Variants in SUN2 observed in about 807,000 individuals in gnomAD.
SUN2 encodes SUN domain-containing protein 2.
SUN2 carries 60 observed loss-of-function variants against 100.0 expected under a neutral mutation model. That is an observed-to-expected ratio of 0.60 (90% CI 0.49 to 0.74). The LOEUF (loss-of-function observed/expected upper bound fraction) is 0.74. Among genes scored for constraint, SUN2 ranks in the 30% least tolerant of loss-of-function variants. The probability of loss-of-function intolerance (pLI) is 0.00; values close to 1 mark genes in which losing one functional copy is unlikely to be tolerated. For synonymous variants in SUN2, 367 were observed against 403.3 expected (o/e 0.91, Z 1.08); for missense variants, 834 against 954.6 (o/e 0.87, Z 1.66).
chr22:38,748,925 G>A (rs2092923879), intron 6 of SUN2, 142 bp from the exon 7 acceptor site: 1 of 811,930 alleles, frequency 1.2e-6, no homozygotes, highest in South Asian at 1.6e-5. Context: ...GCTTCTCACT[G>A]TGCCAGGGCC....
rs550432318 is a variant in SUN2, at chr22:38,737,954, G to C, written c.2040+219C>G. The C allele has an allele frequency of 2.9e-6, 2 of 697,774 alleles. No individual in the cohort carries two copies. Among genetic ancestry groups the C allele is most frequent in the South Asian group, 3.0e-5 (2 of 66,604 alleles). 43.2% of individuals were successfully genotyped at this position (697,774 alleles called of 1,614,324 possible). On this transcript the variant is annotated intron_variant, in intron 17 of 17. Coordinates refer to ENST00000689035, the MANE Select transcript of SUN2 (RefSeq NM_015374.3). The surrounding 1 kb of genome is among the most constrained non-coding windows in gnomAD (Gnocchi z 4.1). Reference sequence around the variant, plus strand: ...ACCTCCTGGTGTCCTTTTCCAGGAAGCTTCCCTCATGCTGCCCTTCTGGAA... The same window carrying C: ...ACCTCCTGGTGTCCTTTTCCAGGAACCTTCCCTCATGCTGCCCTTCTGGAA...
intron 8 of SUN2, among the ~76,000 whole-genome samples, chr22:38,744,261 C>G (rs1301313803): frequency 1.6e-5 from 1 of 60,710 alleles, no homozygotes; most frequent in Non-Finnish European, 3.2e-5. Flanking sequence ...GACTCTGTCT[C>G]AAAAAAAAAA....
rs1379127104 is a variant in SUN2 at position 38,739,454 on chromosome 22, G to A, written c.1579-28C>T. The stretch of plus-strand genomic sequence containing the variant: ...GCAATGCAGGCACCAGGAGACGGTT[G>A]CAGCAGGGAGCAGACGTGTCCCCCT... On this transcript the variant is annotated intron_variant, in intron 13 of 17. Transcript: ENST00000689035. The surrounding 1 kb of genome is among the most constrained non-coding windows in gnomAD (Gnocchi z 6.7). 3 of 1,610,416 alleles carry A rather than the reference G, an allele frequency of 1.9e-6. No individual in the cohort carries two copies.
At position 38,740,351 on chromosome 22, in the gene SUN2, C is replaced by T. The variant is rs1569296699; in HGVS notation, c.1272G>A (p.Glu424=). The change falls in exon 12 of 18, where the codon GAG becomes GAA. Residue 424 remains glutamate, a synonymous_variant. Transcript: ENST00000689035. This position sits in a 1 kb window ranked among gnomAD's most constrained non-coding sequence, Gnocchi z 4.8. The part of the protein sequence containing the change: ...LEDQLAGLQQ[E]LAALALKQSS... The stretch of plus-strand genomic sequence containing the variant: ...TCTGCTTCAGTGCCAGAGCCGCCAG[C>T]TCCTGCTGCAGGCCGGCCAGCTGGT... 2.5e-6 allele frequency: 4 copies of T among 1,586,066 alleles called. No homozygotes were observed. In the South Asian group the frequency reaches 4.6e-5, roughly 18 times the overall value.
intron 2 of SUN2, among the ~76,000 whole-genome samples, chr22:38,752,046 C>T (rs1201775663): frequency 2.6e-5 from 4 of 152,220 alleles, no homozygotes; most frequent in African/African-American, 9.6e-5. Context: ...CATGATCTCG[C>T]TCACTGCAAC....
chr22:38,749,355 C>CG (rs1351500095), intron 6 of SUN2, among the ~76,000 whole-genome samples: 1 of 152,098 alleles, frequency 6.6e-6, no homozygotes, highest in Non-Finnish European at 1.5e-5. Context: ...GTGGGGAACT[C>CG]GGGGGGTTAG....
intron 17 of SUN2, chr22:38,736,607 G>T: frequency 2.6e-6 from 1 of 388,276 alleles, no homozygotes; most frequent in Non-Finnish European, 4.6e-6. Flanking sequence ...TCTGAAACCG[G>T]AATGAATTCA....
chr22:38,754,056 G>A (rs1017988657), intron 1 of SUN2, among the ~76,000 whole-genome samples: 4 of 152,156 alleles, frequency 2.6e-5, no homozygotes, highest in Non-Finnish European at 4.4e-5. Flanking sequence ...AGTCAGTTCC[G>A]GTCACCATGT....
Position 38,755,038 on chromosome 22 carries a change from T to G in SUN2, c.-38+725A>C. 3 of 1,161,246 alleles carry G rather than the reference T, an allele frequency of 2.6e-6. No individual in the cohort carries two copies. In the South Asian group the frequency reaches 4.1e-5, roughly 16 times the overall value. 71.9% of individuals were successfully genotyped at this position (1,161,246 alleles called of 1,614,324 possible). A position where few individuals can be genotyped will look rare whatever the true frequency, so the allele number is the denominator to read the frequency against. On this transcript the variant is annotated intron_variant, in intron 1 of 17. Transcript: ENST00000689035. The surrounding 1 kb of genome is among the most constrained non-coding windows in gnomAD (Gnocchi z 5.7). The stretch of plus-strand genomic sequence containing the variant: ...CCCCACCTCCTCCCTAACAATCAGT[T>G]AGGAAACGCTCATCGGAAAGCATCC...
rs549899267 is a variant in SUN2, at chr22:38,740,429, C to A, written c.1194G>T (p.Met398Ile). 13 of 1,508,772 alleles carry A rather than the reference C, an allele frequency of 8.6e-6. No individual in the cohort carries two copies. The highest frequency in any genetic ancestry group is 2.2e-5 in the Admixed American group (1 of 45,482). The allele number at this position is 1,508,772 out of a possible 1,614,324, so 93.5% of individuals were successfully genotyped here. Reference protein sequence around the residue: ...IQQLKSEWQSMTQESFQESSV... With the variant: ...IQQLKSEWQSITQESFQESSV... ...AGCTCTCCTGGAAGGACTCCTGGGT[C>A]ATGCTGGTCCCAGAGAGAGAAGAGT... The change falls in exon 12 of 18, where the codon ATG (methionine) becomes ATT (isoleucine). Residue 398 changes from methionine (M) to isoleucine (I), a missense_variant. Physicochemically the swap from Met to Ile is conservative, Grantham distance 10. Coordinates refer to ENST00000689035, the MANE Select transcript of SUN2 (RefSeq NM_015374.3). This position sits in a 1 kb window ranked among gnomAD's most constrained non-coding sequence, Gnocchi z 4.8.
Position 38,738,251 on chromosome 22 carries a change from G to A in SUN2, c.1962C>T (p.Asp654=). 2 of 1,613,826 alleles carry A rather than the reference G, an allele frequency of 1.2e-6. No homozygotes were observed. Among genetic ancestry groups the A allele is most frequent in the Non-Finnish European group, 1.7e-6 (2 of 1,179,946 alleles). Residue 654 remains aspartate, a synonymous_variant, in exon 17 of 18, where the codon GAC becomes GAT. Coordinates refer to ENST00000689035, the MANE Select transcript of SUN2 (RefSeq NM_015374.3). The surrounding 1 kb of genome is among the most constrained non-coding windows in gnomAD (Gnocchi z 6.6). ...KDFAIFGFDE[D]LQQEGTLLGK... is the part of the protein sequence containing the mutation. ...CAAGGAGTGTCCCCTCCTGCTGCAG[G>A]TCTTCGTCAAACCCCTGCAAAGAGA...
rs903949796 is a variant in SUN2, at chr22:38,751,565, C to G, written c.123-192G>C. ...CCTCTCCTGTTCTCTCTGAATCTCA[C>G]CAGCAGATGGGCAAGACGGGCAGCG... On this transcript the variant is annotated intron_variant, in intron 2 of 17. Transcript: ENST00000689035. 1.3e-5 allele frequency: 8 copies of G among 599,348 alleles called. No homozygotes were observed. In the Admixed American group the frequency reaches 2.5e-4, roughly 19 times the overall value. 37.1% of individuals were successfully genotyped at this position (599,348 alleles called of 1,614,324 possible).
chr22:38,745,797 A>G lies in SUN2; in HGVS notation c.700T>C (p.Tyr234His). ...TGGAATGTCTGCAGCCCATAGGGGTAGAAATACCAAGCACCTGTGCACAGG... is the reference window on the plus strand; with the variant it reads ...TGGAATGTCTGCAGCCCATAGGGGTGGAAATACCAAGCACCTGTGCACAGG... ...TCLTYGAWYFYPYGLQTFHPA... is the reference protein window; with the variant it reads ...TCLTYGAWYFHPYGLQTFHPA... The change falls in exon 8 of 18, where the codon TAC (tyrosine) becomes CAC (histidine). Residue 234 changes from tyrosine (Y) to histidine (H), a missense_variant. By Grantham distance (83) the Tyr-to-His change is moderately conservative. Around this residue, in one of 3 missense-constraint regions of SUN2, gnomAD observed 559 missense variants for 597.7 expected, o/e 0.94. Coordinates refer to ENST00000689035, the MANE Select transcript of SUN2 (RefSeq NM_015374.3). The G allele has an allele frequency of 1.2e-6, 2 of 1,613,924 alleles. No individual in the cohort carries two copies. The highest frequency in any genetic ancestry group is 1.7e-6 in the Non-Finnish European group (2 of 1,179,944).
chr22:38,754,576 C>T, intron 1 of SUN2: 1 of 1,106,300 alleles, frequency 9.0e-7, no homozygotes, highest in Non-Finnish European at 1.2e-6. Flanking sequence ...GGGTCCTTGT[C>T]TCTATTCCTG....
In SUN2 at chr22:38,738,980, C is replaced by T. The variant is rs371141749; in HGVS notation, c.1672G>A (p.Val558Ile). The change falls in exon 15 of 18, where the codon GTC becomes ATC. Residue 558 changes from valine (V) to isoleucine (I), a missense_variant. Val to Ile is a conservative substitution (Grantham distance 29, BLOSUM62 3). Coordinates refer to ENST00000689035, the MANE Select transcript of SUN2 (RefSeq NM_015374.3). The surrounding 1 kb of genome is among the most constrained non-coding windows in gnomAD (Gnocchi z 6.6). ...GTCTCAGAACATCGGGTGCTGATGA[C>T]GCTGGCCCCTGAGACAGGAGAGGAA... The part of the protein sequence containing the change: ...DYALESGGAS[V>I]ISTRCSETYE... 1.9e-5 allele frequency: 31 copies of T among 1,610,324 alleles called. No homozygotes were observed. Among genetic ancestry groups the T allele is most frequent in the Middle Eastern group, 1.7e-4 (1 of 6,032 alleles).
chr22:38,737,982 T>C lies in SUN2; in HGVS notation c.2040+191A>G. The C allele has an allele frequency of 1.4e-6, 1 of 711,522 alleles. No individual in the cohort carries two copies. The highest frequency in any genetic ancestry group is 2.6e-6 in the Non-Finnish European group (1 of 382,384). The allele number at this position is 711,522 out of a possible 1,614,324, so 44.1% of individuals were successfully genotyped here. ...TCCCTCATGCTGCCCTTCTGGAAGG[T>C]GCCTTCCCCTGTGCTGACGTCTGCA... On this transcript the variant is annotated intron_variant, in intron 17 of 17. Transcript: ENST00000689035. The surrounding 1 kb of genome is among the most constrained non-coding windows in gnomAD (Gnocchi z 4.1).
intron 8 of SUN2, among the ~76,000 whole-genome samples, chr22:38,744,470 A>C (rs1302897911): frequency 6.6e-6 from 1 of 152,036 alleles, no homozygotes; most frequent in African/African-American, 2.4e-5. Flanking sequence ...AGTCCCAGCT[A>C]CTTCACAGGC....
In SUN2 at chr22:38,738,013, C is replaced by T. The variant is rs918597543; in HGVS notation, c.2040+160G>A. 7 of 737,934 alleles carry T rather than the reference C, an allele frequency of 9.5e-6. No homozygotes were observed. The highest frequency in any genetic ancestry group is 1.7e-5 in the African/African-American group (1 of 57,702). The allele number at this position is 737,934 out of a possible 1,614,324, so 45.7% of individuals were successfully genotyped here. A position where few individuals can be genotyped will look rare whatever the true frequency, so the allele number is the denominator to read the frequency against. On this transcript the variant is annotated intron_variant, in intron 17 of 17. Coordinates refer to ENST00000689035, the MANE Select transcript of SUN2 (RefSeq NM_015374.3). The surrounding 1 kb of genome is among the most constrained non-coding windows in gnomAD (Gnocchi z 6.6). ...CCCCTGTGCTGACGTCTGCAGGATG[C>T]GTGTTACACCCCATTTGGATATCAC...
chr22:38,741,421 A>C, intron 10 of SUN2, 73 bp downstream of exon 10: 6 of 1,470,010 alleles, frequency 4.1e-6, no homozygotes, highest in Non-Finnish European at 5.7e-6. Context: ...GGAAGGGCCG[A>C]GGGGTCCGAG....
Sources: gnomAD v4.1 joint callset for allele counts (sites outside exome capture counted in the v4.1 genomes callset) on GRCh38, gnomAD v4.1.1 for gene constraint, gnomAD v4.1.1 regional missense constraint, Gnocchi (gnomAD v3.1) non-coding constraint, MANE v1.5 for transcripts, NCBI Gene and HGNC (gene_info 2026-07-23, HGNC 2026-07-21) for gene names.